The following RARS1 variants were observed in gnomAD, a reference collection of about 807,000 sequenced individuals.
RARS1 encodes arginyl-tRNA synthetase 1.
Under a neutral mutation model 78.7 loss-of-function variants are expected in RARS1, and 75 were observed. That is an observed-to-expected ratio of 0.95 (90% CI 0.79 to 1.15). The LOEUF is 1.15. Among genes scored for constraint, RARS1 ranks in the 50% most tolerant of loss-of-function variants. The pLI is 0.00. For missense variants in RARS1, 787 were observed against 787.5 expected, an observed-to-expected ratio of 1.00 and a Z score of 0.01; for synonymous variants, 273 against 268.2, an observed-to-expected ratio of 1.02 and a Z score of -0.18.
chr5:168,511,197 T>TTC (rs1202006923), intron 12 of RARS1, among the ~76,000 whole-genome samples: 18 of 130,508 alleles, frequency 1.4e-4, no homozygotes, highest in African/African-American at 5.0e-4. Flanking sequence ...CAAGAAAAAT[T>TTC]TTTTTTTTTT....
chr5:168,501,935 G>T (rs1758333459), intron 8 of RARS1, 66 bp from the exon 9 acceptor site: 1 of 1,538,968 alleles, frequency 6.5e-7, no homozygotes, highest in South Asian at 1.3e-5. Flanking sequence ...AATGTAAGAT[G>T]CATGTTTCCT....
Position 168,506,324 on chromosome 5 carries a change from A to G in RARS1, c.1236+125A>G, listed in dbSNP as rs541717104. On this transcript the variant is annotated intron_variant, in intron 10 of 14. Coordinates refer to ENST00000231572, the MANE Select transcript of RARS1 (RefSeq NM_002887.4). Reference sequence around the variant, plus strand: ...CCCAAAGACTAAGATTCAGGACATCAGTATAGCATAGAAGAAAGAAGAGGG... The same window carrying G: ...CCCAAAGACTAAGATTCAGGACATCGGTATAGCATAGAAGAAAGAAGAGGG... 1.7e-3 allele frequency: 1,311 copies of G among 779,468 alleles called. 3 individuals carry two copies. Among genetic ancestry groups the G allele is most frequent in the Non-Finnish European group, 2.1e-3 (1,101 of 512,400 alleles). 48.3% of individuals were successfully genotyped at this position (779,468 alleles called of 1,614,324 possible).
chr5:168,495,096 G>T, intron 5 of RARS1: 2 of 732,644 alleles, frequency 2.7e-6, no homozygotes, highest in South Asian at 2.7e-5. Flanking sequence ...TTGTATACAT[G>T]AATTTGATTC....
chr5:168,505,705 A>G (rs1219044693), intron 9 of RARS1, among the ~76,000 whole-genome samples: 29 of 106,854 alleles, frequency 2.7e-4, no homozygotes, highest in African/African-American at 1.1e-3. Flanking sequence ...AAGACTGTGT[A>G]TCAAAAAAGA....
At chr5:168,499,668 T>G (rs1273392440) in intron 7 of RARS1, among the ~76,000 whole-genome samples, 2 of 152,084 alleles carry the variant, frequency 1.3e-5, no homozygotes. Context: ...ATGCAAGAAA[T>G]TGTTTGTATA....
intron 7 of RARS1, among the ~76,000 whole-genome samples, chr5:168,500,043 G>C (rs112929633): frequency 0.19 from 29,266 of 151,510 alleles, 3,145 homozygotes; most frequent in Admixed American, 0.3. Context: ...CAAAAATTAG[G>C]CGGGTGTGAT....
chr5:168,504,014 T>C (rs576249714), intron 9 of RARS1, among the ~76,000 whole-genome samples: 193 of 148,866 alleles, frequency 1.3e-3, no homozygotes, highest in African/African-American at 4.6e-3. Flanking sequence ...TGAGCTATGC[T>C]CACACCACTG....
chr5:168,489,386 A>C (rs1418529328), intron 2 of RARS1, among the ~76,000 whole-genome samples: 1 of 152,226 alleles, frequency 6.6e-6, no homozygotes, highest in Non-Finnish European at 1.5e-5. Flanking sequence ...TTTGATTTTT[A>C]AATCATTGCC....
rs1758165922 is a variant in RARS1, at chr5:168,495,412, A to G, written c.677A>G (p.Glu226Gly). 1 of 1,613,726 alleles carries G rather than the reference A, an allele frequency of 6.2e-7. No homozygotes were observed. Among genetic ancestry groups the G allele is most frequent in the Non-Finnish European group, 8.5e-7 (1 of 1,179,886 alleles). Residue 226 changes from glutamate to glycine, a missense_variant, in exon 6 of 15, where the codon GAA becomes GGA. By Grantham distance (98) the Glu-to-Gly change is moderately conservative. Transcript: ENST00000231572. ...IIGESISRLF[E>G]FAGYDVLRLN... ...GGAGAGAGTATAAGCCGCCTCTTTGAATTTGCAGGGTATGACGTGCTCAGG... is the reference window on the plus strand; with the variant it reads ...GGAGAGAGTATAAGCCGCCTCTTTGGATTTGCAGGGTATGACGTGCTCAGG...
At chr5:168,495,292 C>G (rs773173074) in intron 5 of RARS1, 23 bp from the exon 6 acceptor site, 17 of 1,610,754 alleles carry the variant, frequency 1.1e-5, no homozygotes, top group Non-Finnish European at 1.4e-5. Flanking sequence ...TCTTAACAGC[C>G]TTTCTCTTTT....
chr5:168,519,258 A>G lies in RARS1; in HGVS notation c.*68A>G. ...CATTGGCACTGTTTGCTTTTTTACA[A>G]TCATGTGGACACAAGCATAAGTAAA... On this transcript the variant is annotated 3_prime_UTR_variant, in exon 15 of 15. Transcript: ENST00000231572. The G allele has an allele frequency of 1.7e-5, 21 of 1,227,708 alleles. No individual in the cohort carries two copies. The highest frequency in any genetic ancestry group is 2.5e-5 in the Non-Finnish European group (21 of 847,584). The allele number at this position is 1,227,708 out of a possible 1,614,324, so 76.1% of individuals were successfully genotyped here. A position where few individuals can be genotyped will look rare whatever the true frequency, so the allele number is the denominator to read the frequency against.
At chr5:168,518,093 T>TTTTTTTTTTG in intron 14 of RARS1, 31 bp downstream of exon 14, 1 of 1,416,400 alleles carries the variant, frequency 7.1e-7, no homozygotes, top group Non-Finnish European at 9.2e-7. Context: ...TTTTTTTTTT[T>TTTTTTTTTTG]TTAGTGAGAG....
chr5:168,488,760 T>C (rs1322490999), intron 2 of RARS1, 24 bp downstream of exon 2: 2 of 1,572,812 alleles, frequency 1.3e-6, no homozygotes, highest in Non-Finnish European at 1.7e-6. Flanking sequence ...GTTCCAGTTT[T>C]ATTCTCCAGT....
Position 168,486,488 on chromosome 5 carries a change from C to G in RARS1, c.-11C>G. The G allele has an allele frequency of 2.6e-6, 4 of 1,557,046 alleles. No homozygotes were observed. The highest frequency in any genetic ancestry group is 3.5e-6 in the Non-Finnish European group (4 of 1,149,422). ...TTCCGTCCACTTGGCGAGTGAGACGCTGATGGGAGGATGGACGTACTGGTG... is the reference window on the plus strand; with the variant it reads ...TTCCGTCCACTTGGCGAGTGAGACGGTGATGGGAGGATGGACGTACTGGTG... On this transcript the variant is annotated 5_prime_UTR_variant, in exon 1 of 15. Transcript: ENST00000231572.
chr5:168,490,006 G>A (rs1051610223), intron 2 of RARS1, among the ~76,000 whole-genome samples: 3 of 152,052 alleles, frequency 2.0e-5, no homozygotes, highest in African/African-American at 7.2e-5. Context: ...TAGAGACGAG[G>A]TTTCTCCATG....
At chr5:168,486,980 T>C (rs1757977621) in intron 1 of RARS1, among the ~76,000 whole-genome samples, 1 of 152,152 alleles carries the variant, frequency 6.6e-6, no homozygotes, top group Admixed American at 6.5e-5. Context: ...AGAGGATTCC[T>C]AATAAGCCCA....
rs1758436877 is a variant in RARS1, at chr5:168,506,014, C to T, written c.1058-7C>T. ...ACTTTATTAATGAAGTGTTTTTTAC[C>T]CCCTAGGATTTGTGCAGGTGGATGA... On this transcript the variant is annotated splice_polypyrimidine_tract_variant and splice_region_variant and intron_variant, in intron 9 of 14. Coordinates refer to ENST00000231572, the MANE Select transcript of RARS1 (RefSeq NM_002887.4). 5 of 1,582,578 alleles carry T rather than the reference C, an allele frequency of 3.2e-6. No individual in the cohort carries two copies. The highest frequency in any genetic ancestry group is 4.3e-6 in the Non-Finnish European group (5 of 1,169,004).
At chr5:168,504,536 A>AG (rs1378762813) in intron 9 of RARS1, among the ~76,000 whole-genome samples, 4 of 142,196 alleles carry the variant, frequency 2.8e-5, no homozygotes, top group South Asian at 2.2e-4. Flanking sequence ...AAAAAAAAAG[A>AG]AAAAAAAATG....
intron 7 of RARS1, among the ~76,000 whole-genome samples, chr5:168,500,381 G>T (rs186071890): frequency 6.6e-6 from 1 of 152,152 alleles, no homozygotes; most frequent in Non-Finnish European, 1.5e-5. Context: ...ACTGTGGTGA[G>T]ATTTTTGTAT....
Sources: gnomAD v4.1 joint callset for allele counts (sites outside exome capture counted in the v4.1 genomes callset) on GRCh38, gnomAD v4.1.1 for gene constraint, MANE v1.5 for transcripts, NCBI Gene and HGNC (gene_info 2026-07-23, HGNC 2026-07-21) for gene names.